Variants in CADM2 observed in about 807,000 individuals in gnomAD.
CADM2 encodes cell adhesion molecule 2, also known as immunoglobulin superfamily member 4D.
Under a neutral mutation model 49.8 loss-of-function variants are expected in CADM2, and 12 were observed. The ratio of observed to expected loss-of-function variants is 0.24; its 90% CI spans 0.15 to 0.39. The LOEUF (loss-of-function observed/expected upper bound fraction) is 0.39. Among genes scored for constraint, CADM2 ranks in the 10% least tolerant of loss-of-function variants. CADM2 has a pLI of 1.00. For missense variants in CADM2, 378 were observed against 492.3 expected, an observed-to-expected ratio of 0.77 and a Z score of 2.20; for synonymous variants, 214 against 175.4, an observed-to-expected ratio of 1.22 and a Z score of -1.74.
At chr3:85,048,299 T>C (rs561399004) in intron 1 of CADM2, among the ~76,000 whole-genome samples, 1 of 152,140 alleles carries the variant, frequency 6.6e-6, no homozygotes, top group Non-Finnish European at 1.5e-5. Flanking sequence ...GAGGAAGGTA[T>C]TACAGACAGA....
chr3:85,019,272 C>T (rs1212899764), intron 1 of CADM2, among the ~76,000 whole-genome samples: 1 of 152,062 alleles, frequency 6.6e-6, no homozygotes, highest in African/African-American at 2.4e-5. Context: ...TGCTTGAGCC[C>T]AGAAGTTTGC....
rs148429111 is a variant in CADM2, at chr3:85,687,092, G to A, written c.62-39430G>A. Among the ~76,000 whole-genome samples the A allele has an allele frequency of 5.1e-4, 78 of 152,166 alleles. No individual in the cohort carries two copies. The East Asian group carries it at 0.012, about 23-fold the overall frequency. ...TCTCAGATCTCCGGGGTTCACAAGA[G>A]CATTTTTATGTCAAATATCTACTTA... On this transcript the variant is annotated intron_variant, in intron 1 of 9. Coordinates refer to ENST00000383699, the MANE Select transcript of CADM2 (RefSeq NM_001167675.2).
chr3:85,595,962 G>T (rs1170631092), intron 1 of CADM2, among the ~76,000 whole-genome samples: 8 of 151,444 alleles, frequency 5.3e-5, no homozygotes, highest in African/African-American at 1.7e-4. Context: ...CAATGGACTT[G>T]GTCCCTAAAA....
At chr3:84,971,866 T>C (rs2031467973) in intron 1 of CADM2, among the ~76,000 whole-genome samples, 1 of 151,936 alleles carries the variant, frequency 6.6e-6, no homozygotes, top group African/African-American at 2.4e-5. Context: ...AGCCATACCA[T>C]GATGGAGTAT....
intron 1 of CADM2, among the ~76,000 whole-genome samples, chr3:85,568,463 C>CTTTTTCTTTCTT (rs1424573453): frequency 7.6e-5 from 1 of 13,194 alleles, no homozygotes; most frequent in African/African-American, 1.3e-4. Context: ...TTCTTTCTTT[C>CTTTTTCTTTCTT]TCTTTCTCTC....
At chr3:85,034,518 C>T (rs1465504817) in intron 1 of CADM2, among the ~76,000 whole-genome samples, 2 of 152,104 alleles carry the variant, frequency 1.3e-5, no homozygotes, top group East Asian at 3.9e-4. Context: ...ACTTAGTTTG[C>T]TTCCAAATCT....
chr3:85,737,537 ATTAAT>A (rs1224255854), intron 2 of CADM2, among the ~76,000 whole-genome samples: 1 of 151,022 alleles, frequency 6.6e-6, no homozygotes, highest in Non-Finnish European at 1.5e-5. Context: ...CGAAAGAGTC[ATTAAT>A]TTAATTCATT....
chr3:85,636,119 C>T (rs1232317064), intron 1 of CADM2, among the ~76,000 whole-genome samples: 3 of 152,114 alleles, frequency 2.0e-5, no homozygotes, highest in Non-Finnish European at 4.4e-5. Flanking sequence ...AAAGACTTAG[C>T]TGTAGAACAG....
intron 3 of CADM2, among the ~76,000 whole-genome samples, chr3:85,858,753 G>T (rs957789536): frequency 2.6e-5 from 4 of 152,188 alleles, no homozygotes; most frequent in Non-Finnish European, 5.9e-5. Flanking sequence ...AATGCATGTT[G>T]CTGGGCTTTG....
At chr3:85,555,009 C>G (rs1430661958) in intron 1 of CADM2, among the ~76,000 whole-genome samples, 1 of 151,770 alleles carries the variant, frequency 6.6e-6, no homozygotes, top group African/African-American at 2.4e-5. Context: ...AGCCACTGCA[C>G]TAGGCCCAAA....
intron 1 of CADM2, among the ~76,000 whole-genome samples, chr3:85,052,343 T>C (rs1285448490): frequency 1.3e-5 from 2 of 152,118 alleles, no homozygotes; most frequent in Admixed American, 6.6e-5. Flanking sequence ...ACAACTGACA[T>C]AAATCAAGTA....
intron 1 of CADM2, among the ~76,000 whole-genome samples, chr3:85,523,289 C>T (rs1342950839): frequency 6.6e-6 from 1 of 152,022 alleles, no homozygotes; most frequent in Non-Finnish European, 1.5e-5. Flanking sequence ...AGGCTGCATC[C>T]CAGAAGTTTG....
chr3:85,947,891 T>C (rs1441308206), intron 7 of CADM2, among the ~76,000 whole-genome samples: 2 of 151,518 alleles, frequency 1.3e-5, no homozygotes, highest in Non-Finnish European at 3.0e-5. Flanking sequence ...GGAAATGTAC[T>C]TTTTGAACAT....
At chr3:85,999,658 AAAG>A (rs1443343312) in intron 8 of CADM2, among the ~76,000 whole-genome samples, 2 of 148,692 alleles carry the variant, frequency 1.3e-5, no homozygotes, top group East Asian at 1.9e-4. Flanking sequence ...AGGAAAGAAA[AAAG>A]AAAGAAAGAA....
intron 1 of CADM2, among the ~76,000 whole-genome samples, chr3:85,185,045 C>T (rs2041024276): frequency 6.6e-6 from 1 of 151,936 alleles, no homozygotes; most frequent in Non-Finnish European, 1.5e-5. Flanking sequence ...AGAAATGTAA[C>T]CCTAGCTCCA....
intron 3 of CADM2, among the ~76,000 whole-genome samples, chr3:85,867,254 A>C (rs988153555): frequency 6.6e-6 from 1 of 152,070 alleles, no homozygotes; most frequent in African/African-American, 2.4e-5. Context: ...GAAGATAAAC[A>C]ACAAGACTGA....
At chr3:85,570,699 T>G (rs985525698) in intron 1 of CADM2, among the ~76,000 whole-genome samples, 2 of 152,306 alleles carry the variant, frequency 1.3e-5, no homozygotes, top group Middle Eastern at 3.4e-3. Context: ...GATGGTTGTC[T>G]TATTATCCAA....
intron 1 of CADM2, among the ~76,000 whole-genome samples, chr3:85,016,632 A>T (rs2034259330): frequency 6.6e-6 from 1 of 152,058 alleles, no homozygotes; most frequent in African/African-American, 2.4e-5. Flanking sequence ...GCCTCTACTG[A>T]AAATGCAAAA....
chr3:85,429,494 C>G (rs1230127702), intron 1 of CADM2, among the ~76,000 whole-genome samples: 3 of 151,932 alleles, frequency 2.0e-5, no homozygotes, highest in Non-Finnish European at 2.9e-5. Context: ...TTACTATAGA[C>G]AGATAAGCCA....
Sources: gnomAD v4.1 joint callset for allele counts (sites outside exome capture counted in the v4.1 genomes callset) on GRCh38, gnomAD v4.1.1 for gene constraint, MANE v1.5 for transcripts, NCBI Gene and HGNC (gene_info 2026-07-23, HGNC 2026-07-21) for gene names.